Variants in MSRA observed in about 807,000 individuals in gnomAD.
MSRA encodes methionine sulfoxide reductase A.
Under a neutral mutation model 31.3 loss-of-function variants are expected in MSRA, and 54 were observed. The ratio of observed to expected loss-of-function variants is 1.73; its 90% CI spans 1.39 to 2.17. The LOEUF (loss-of-function observed/expected upper bound fraction) is 2.17, where lower values mean the gene tolerates loss of function less well. MSRA is among the 30% of genes most tolerant of loss of function. The probability of loss-of-function intolerance (pLI) is 0.00; values close to 1 mark genes in which losing one functional copy is unlikely to be tolerated. For synonymous variants in MSRA, 169 were observed against 116.5 expected (o/e 1.45, Z -2.90); for missense variants, 507 against 300.9 (o/e 1.69, Z -5.07).
intron 5 of MSRA, among the ~76,000 whole-genome samples, chr8:10,402,668 C>T (rs1177927286): frequency 2.0e-5 from 3 of 152,268 alleles, no homozygotes; most frequent in East Asian, 3.9e-4. Flanking sequence ...TGTCCCGACA[C>T]AGAGACAGTC....
At chr8:10,150,178 C>T (rs377711647) in intron 1 of MSRA, among the ~76,000 whole-genome samples, 4 of 151,942 alleles carry the variant, frequency 2.6e-5, no homozygotes, top group Admixed American at 6.6e-5. Flanking sequence ...TACAGTGCCT[C>T]GTGGCTTCTA....
At chr8:10,146,017 T>A (rs780710802) in intron 1 of MSRA, among the ~76,000 whole-genome samples, 1 of 152,200 alleles carries the variant, frequency 6.6e-6, no homozygotes, top group Non-Finnish European at 1.5e-5. Flanking sequence ...ATTTATGTAT[T>A]TGGAGTATAT....
rs140906497 is a variant in MSRA, at chr8:10,081,544, C to T, written c.142+26886C>T. Among the ~76,000 whole-genome samples the T allele has an allele frequency of 3.2e-3, 486 of 152,292 alleles. 4 individuals carry two copies. Among genetic ancestry groups the T allele is most frequent in the African/African-American group, 0.011 (468 of 41,550 alleles). Reference sequence around the variant, plus strand: ...TTACTCTGTCACCCAGGCTGGAGTGCAGTGGCGTGATCTCAGTTCACTGCA... The same window carrying T: ...TTACTCTGTCACCCAGGCTGGAGTGTAGTGGCGTGATCTCAGTTCACTGCA... On this transcript the variant is annotated intron_variant, in intron 1 of 5. Coordinates refer to ENST00000317173, the MANE Select transcript of MSRA (RefSeq NM_012331.5).
chr8:10,324,657 G>T (rs1802259271), intron 5 of MSRA, among the ~76,000 whole-genome samples: 1 of 152,152 alleles, frequency 6.6e-6, no homozygotes, highest in South Asian at 2.1e-4. Context: ...CTTAGCCTGG[G>T]TCCCACAGAA....
At chr8:10,055,185 C>T (rs960216524) in intron 1 of MSRA, among the ~76,000 whole-genome samples, 1 of 152,064 alleles carries the variant, frequency 6.6e-6, no homozygotes, top group South Asian at 2.1e-4. Flanking sequence ...CACCCCTAGT[C>T]ACCCCTCGTG....
chr8:10,239,970 G>A (rs141974845), intron 2 of MSRA, among the ~76,000 whole-genome samples: 8 of 152,144 alleles, frequency 5.3e-5, no homozygotes, highest in African/African-American at 1.2e-4. Context: ...TTTTCAGGAC[G>A]GCAGTTCCTG....
intron 1 of MSRA, among the ~76,000 whole-genome samples, chr8:10,162,410 T>C (rs553455588): frequency 6.6e-6 from 1 of 152,172 alleles, no homozygotes; most frequent in Non-Finnish European, 1.5e-5. Context: ...ACCTGACTGC[T>C]ACCACGAAGG....
intron 1 of MSRA, among the ~76,000 whole-genome samples, chr8:10,106,211 T>C (rs1406310520): frequency 6.6e-6 from 1 of 152,162 alleles, no homozygotes; most frequent in Non-Finnish European, 1.5e-5. Context: ...CTCACAGACT[T>C]GACTTTCTTA....
chr8:10,149,309 G>A (rs1323971463), intron 1 of MSRA, among the ~76,000 whole-genome samples: 2 of 152,120 alleles, frequency 1.3e-5, no homozygotes, highest in East Asian at 3.9e-4. Context: ...TTTTAGTAGA[G>A]ATGGGGTTTC....
chr8:10,367,164 C>A (rs2129168289), intron 5 of MSRA, among the ~76,000 whole-genome samples: 1 of 152,304 alleles, frequency 6.6e-6, no homozygotes, highest in Middle Eastern at 3.4e-3. Flanking sequence ...TCTAGTGGAT[C>A]CACGCTGTCT....
intron 1 of MSRA, among the ~76,000 whole-genome samples, chr8:10,160,234 C>T (rs984967266): frequency 6.6e-6 from 1 of 152,076 alleles, no homozygotes; most frequent in African/African-American, 2.4e-5. Context: ...CACAGTGGCT[C>T]ACACCTGCTC....
chr8:10,116,957 A>G (rs1800733740), intron 1 of MSRA, among the ~76,000 whole-genome samples: 1 of 152,000 alleles, frequency 6.6e-6, no homozygotes, highest in African/African-American at 2.4e-5. Flanking sequence ...CAAGAGCGAA[A>G]CTCCAAGATG....
Position 10,054,607 on chromosome 8 carries a change from G to C in MSRA, c.91G>C (p.Val31Leu). The change falls in exon 1 of 6, where the codon GTC becomes CTC. Residue 31 changes from valine (V) to leucine (L), a missense_variant. Transcript: ENST00000317173. ...PRMGNSASNIVSPQEALPGRK... is the reference protein window; with the variant it reads ...PRMGNSASNILSPQEALPGRK... ...GATGGGCAACTCGGCCTCGAACATC[G>C]TCAGCCCCCAGGAGGCCTTGCCGGG... The C allele has an allele frequency of 6.3e-7, 1 of 1,579,522 alleles. No homozygotes were observed.
chr8:10,098,190 C>G, intron 1 of MSRA, among the ~76,000 whole-genome samples: 1 of 152,110 alleles, frequency 6.6e-6, no homozygotes, highest in East Asian at 1.9e-4. Context: ...TATTTCAAAT[C>G]TTATTTTAAA....
At chr8:10,401,945 A>T (rs1008561560) in intron 5 of MSRA, among the ~76,000 whole-genome samples, 4 of 152,204 alleles carry the variant, frequency 2.6e-5, no homozygotes, top group Non-Finnish European at 5.9e-5. Flanking sequence ...TTTCTGTCGG[A>T]TGATGACAGT....
intron 4 of MSRA, among the ~76,000 whole-genome samples, chr8:10,316,169 G>C (rs186398562): frequency 6.6e-6 from 1 of 152,022 alleles, no homozygotes; most frequent in East Asian, 1.9e-4. Context: ...CGTATTGTGT[G>C]GCTGTCTTCC....
At chr8:10,151,521 G>A (rs1022045623) in intron 1 of MSRA, among the ~76,000 whole-genome samples, 2 of 152,066 alleles carry the variant, frequency 1.3e-5, no homozygotes, top group Non-Finnish European at 2.9e-5. Flanking sequence ...GTGTTGGCAG[G>A]TGCCTGTAGT....
At chr8:10,112,188 G>T (rs1051933793) in intron 1 of MSRA, among the ~76,000 whole-genome samples, 5 of 152,122 alleles carry the variant, frequency 3.3e-5, no homozygotes, top group African/African-American at 9.7e-5. Context: ...CCACAATCAC[G>T]TAGGGTTTAT....
intron 1 of MSRA, among the ~76,000 whole-genome samples, chr8:10,058,644 A>G (rs764263760): frequency 1.3e-5 from 2 of 152,240 alleles, no homozygotes; most frequent in East Asian, 1.9e-4. Context: ...TAGCATATCT[A>G]TTTGAACCCA....
Sources: allele counts gnomAD v4.1 joint callset (sites outside exome capture counted in the v4.1 genomes callset), GRCh38; gene constraint gnomAD v4.1.1; transcripts MANE v1.5; gene names NCBI Gene and HGNC (gene_info 2026-07-23, HGNC 2026-07-21).